The following SGCD variants were observed in gnomAD, a reference collection of about 807,000 sequenced individuals.
SGCD encodes sarcoglycan delta, also known as delta-sarcoglycan.
SGCD carries 18 observed loss-of-function variants against 36.6 expected under a neutral mutation model. That is an observed-to-expected ratio of 0.49 (90% confidence interval 0.34 to 0.73). SGCD has a LOEUF of 0.73. Among genes scored for constraint, SGCD ranks in the 30% least tolerant of loss-of-function variants. The pLI, the probability that SGCD is intolerant of heterozygous loss-of-function variation, is 0.01. For synonymous variants in SGCD, 133 were observed against 130.6 expected (o/e 1.02, Z -0.12); for missense variants, 387 against 346.7 (o/e 1.12, Z -0.92).
chr5:156,496,417 G>A (rs924577547), intron 3 of SGCD, among the ~76,000 whole-genome samples: 1 of 152,108 alleles, frequency 6.6e-6, no homozygotes, highest in Non-Finnish European at 1.5e-5. Flanking sequence ...TGGCCAGCAA[G>A]CAGAGTACTG....
chr5:156,452,654 T>C (rs1392780334), intron 3 of SGCD, among the ~76,000 whole-genome samples: 1 of 152,186 alleles, frequency 6.6e-6, no homozygotes, highest in Non-Finnish European at 1.5e-5. Flanking sequence ...TTGGATTTTC[T>C]TTCCTAACAT....
intron 1 of SGCD, among the ~76,000 whole-genome samples, chr5:156,010,022 T>C (rs1581040034): frequency 6.6e-6 from 1 of 152,332 alleles, no homozygotes; most frequent in East Asian, 1.9e-4. Context: ...TTCAAATATT[T>C]TACTCTTTGG....
At chr5:156,084,252 C>T (rs256776) in intron 1 of SGCD, among the ~76,000 whole-genome samples, 87,548 of 151,900 alleles carry the variant, frequency 0.58, 25,649 homozygotes, top group East Asian at 0.81. Flanking sequence ...TATATAGGTA[C>T]GACTTCTTTA....
At chr5:156,054,842 G>C (rs1402388695) in intron 1 of SGCD, among the ~76,000 whole-genome samples, 2 of 146,476 alleles carry the variant, frequency 1.4e-5, no homozygotes, top group South Asian at 2.1e-4. Flanking sequence ...CACAAACAGG[G>C]TTACTGGACT....
chr5:155,848,507 A>G, the SGCD span, among the ~76,000 whole-genome samples: 1 of 152,196 alleles, frequency 6.6e-6, no homozygotes, highest in South Asian at 2.1e-4. Flanking sequence ...CCTTGCAAGT[A>G]TAGTCCCCTC....
At chr5:155,731,426 C>T in the SGCD span, among the ~76,000 whole-genome samples, 2 of 152,066 alleles carry the variant, frequency 1.3e-5, no homozygotes, top group African/African-American at 2.4e-5. Flanking sequence ...AGTTAATTTT[C>T]GTAAACCATG....
At chr5:156,348,361 A>G (rs532118275) in intron 3 of SGCD, among the ~76,000 whole-genome samples, 3 of 152,280 alleles carry the variant, frequency 2.0e-5, no homozygotes, top group Admixed American at 2.0e-4. Context: ...AAAACTCTAA[A>G]GGCTCCTCCA....
At chr5:155,747,700 A>G in the SGCD span, among the ~76,000 whole-genome samples, 108 of 152,272 alleles carry the variant, frequency 7.1e-4, no homozygotes, top group African/African-American at 2.5e-3. Flanking sequence ...TGCTTGTCAT[A>G]TTCCATGCTG....
At chr5:156,471,458 G>A (rs896879189) in intron 3 of SGCD, among the ~76,000 whole-genome samples, 21 of 151,960 alleles carry the variant, frequency 1.4e-4, no homozygotes, top group Non-Finnish European at 3.1e-4. Context: ...TGAATAATAG[G>A]ACAAAATATA....
At chr5:156,563,640 CATT>C (rs1759360461) in intron 4 of SGCD, among the ~76,000 whole-genome samples, 1 of 152,238 alleles carries the variant, frequency 6.6e-6, no homozygotes, top group South Asian at 2.1e-4. Context: ...TACCTGGAAT[CATT>C]ATCAAAGAAT....
At chr5:156,350,025 T>C (rs1769156079) in intron 3 of SGCD, among the ~76,000 whole-genome samples, 1 of 151,492 alleles carries the variant, frequency 6.6e-6, no homozygotes, top group Non-Finnish European at 1.5e-5. Context: ...AAGTGGGAGC[T>C]AAGCTAAGGG....
chr5:155,861,022 T>C, the SGCD span, among the ~76,000 whole-genome samples: 2 of 152,182 alleles, frequency 1.3e-5, no homozygotes, highest in African/African-American at 4.8e-5. Flanking sequence ...TGGAAGGTAT[T>C]GAATAGCGTG....
chr5:156,002,224 A>G (rs1248438945), intron 1 of SGCD, among the ~76,000 whole-genome samples: 3 of 152,180 alleles, frequency 2.0e-5, no homozygotes, highest in Non-Finnish European at 4.4e-5. Context: ...AGATGAGATT[A>G]GGACACAGAC....
In SGCD at chr5:156,749,060, C is replaced by T. The variant is rs117284072; in HGVS notation, c.576-8521C>T. On this transcript the variant is annotated intron_variant, in intron 7 of 8. Transcript: ENST00000337851. ...GATTATAGGCGTGAGCCATTGAGCC[C>T]GGGCTCAATTTTTAAGGAACTGATG... Among the ~76,000 whole-genome samples the T allele has an allele frequency of 5.9e-4, 90 of 152,098 alleles. 1 individual carries two copies. In the East Asian group the frequency reaches 0.016, roughly 27 times the overall value.
chr5:156,161,106 T>C (rs564154932), intron 3 of SGCD, among the ~76,000 whole-genome samples: 1 of 151,900 alleles, frequency 6.6e-6, no homozygotes, highest in East Asian at 1.9e-4. Flanking sequence ...GTCTTTTTAC[T>C]TACAAGTGTC....
At chr5:156,494,983 C>T (rs544674570) in intron 3 of SGCD, among the ~76,000 whole-genome samples, 39 of 152,206 alleles carry the variant, frequency 2.6e-4, no homozygotes, top group Middle Eastern at 3.4e-3. Flanking sequence ...TTCTTTAGGG[C>T]GCTTTATAGC....
At chr5:156,094,163 C>CGGTACT (rs1761320754) in intron 1 of SGCD, among the ~76,000 whole-genome samples, 2 of 152,046 alleles carry the variant, frequency 1.3e-5, no homozygotes, top group Admixed American at 1.3e-4. Context: ...GGGGGAGAGG[C>CGGTACT]GGTACTGTGG....
At chr5:155,754,883 T>C in the SGCD span, among the ~76,000 whole-genome samples, 1 of 152,192 alleles carries the variant, frequency 6.6e-6, no homozygotes, top group African/African-American at 2.4e-5. Context: ...AAATTCTCCC[T>C]TAACTTTCCA....
rs1347380371 is a variant in SGCD, at chr5:156,594,915, C to T, written c.383-17C>T. ...TCCTCTCTCCTCTCTATCTCTCTAT[C>T]TCTCTATATCTCTCAGGTCCAAAAG... On this transcript the variant is annotated splice_polypyrimidine_tract_variant and intron_variant, in intron 5 of 8. Transcript: ENST00000337851. The T allele has an allele frequency of 6.5e-7, 1 of 1,540,422 alleles. No homozygotes were observed. The highest frequency in any genetic ancestry group is 2.3e-5 in the East Asian group (1 of 44,300).
Sources: allele counts gnomAD v4.1 joint callset (sites outside exome capture counted in the v4.1 genomes callset), GRCh38; gene constraint gnomAD v4.1.1; transcripts MANE v1.5; gene names NCBI Gene and HGNC (gene_info 2026-07-23, HGNC 2026-07-21).